PGAP2: variants seen among roughly 807,000 people sequenced by gnomAD.
The protein encoded by PGAP2 is post-GPI attachment to proteins 2, also known as acyltransferase PGAP2.
PGAP2 carries 21 observed loss-of-function variants against 33.2 expected under a neutral mutation model. The observed-to-expected ratio is 0.63, with a 90% CI of 0.45 to 0.91. PGAP2 has a LOEUF of 0.91. PGAP2 is among the 40% of genes least tolerant of loss of function. The probability of loss-of-function intolerance (pLI) is 0.00; values close to 1 mark genes in which losing one functional copy is unlikely to be tolerated. For missense variants in PGAP2, 345 were observed against 424.0 expected (o/e 0.81, Z 1.64); for synonymous variants, 161 against 172.9 (o/e 0.93, Z 0.54).
In PGAP2 at chr11:3,825,360, G is replaced by A. The variant is rs761678849; in HGVS notation, c.850G>A (p.Val284Ile). ...YTIFAILEYT[V>I]VLTNMAFHMT... is the part of the protein sequence containing the mutation. ...CATCTTTGCCATCCTGGAGTACACT[G>A]TTGTCTTAACCAACATGGCGTTCCA... The change falls in exon 7 of 7, where the codon GTT becomes ATT. Residue 284 changes from valine to isoleucine, a missense_variant. Val to Ile is a conservative substitution (Grantham distance 29, BLOSUM62 3). Coordinates refer to ENST00000278243, the MANE Select transcript of PGAP2 (RefSeq NM_014489.4). The A allele has an allele frequency of 1.9e-6, 3 of 1,613,962 alleles. No homozygotes were observed. The highest frequency in any genetic ancestry group is 1.7e-6 in the Non-Finnish European group (2 of 1,179,956).
chr11:3,818,326 CAAA>C (rs5789309), intron 3 of PGAP2, among the ~76,000 whole-genome samples: 9 of 97,628 alleles, frequency 9.2e-5, no homozygotes, highest in East Asian at 8.8e-4. Flanking sequence ...AAGATCGTGC[CAAA>C]AAAAAAAAAA....
intron 3 of PGAP2, chr11:3,822,948 T>C (rs1439434060): frequency 6.5e-7 from 1 of 1,543,422 alleles, no homozygotes; most frequent in Admixed American, 2.0e-5. Context: ...TTAAGATGGA[T>C]GGTGGAGATG....
chr11:3,811,471 C>G lies in PGAP2; in HGVS notation c.165+47C>G, dbSNP rs377687400. The stretch of plus-strand genomic sequence containing the variant: ...ACCTCATATTCAGGCCGATCTGGAT[C>G]TTCTTTAGATCTTGAATATCTTTTA... On this transcript the variant is annotated intron_variant, in intron 2 of 6. Coordinates refer to ENST00000278243, the MANE Select transcript of PGAP2 (RefSeq NM_014489.4). This position sits in a 1 kb window ranked among gnomAD's most constrained non-coding sequence, Gnocchi z 4.6. 1.7e-4 allele frequency: 257 copies of G among 1,540,062 alleles called. No homozygotes were observed. Among genetic ancestry groups the G allele is most frequent in the Non-Finnish European group, 2.1e-4 (239 of 1,124,364 alleles).
At position 3,825,494 on chromosome 11, in the gene PGAP2, G is replaced by A. The variant is rs373030868; in HGVS notation, c.*36G>A. 1 of 1,601,178 alleles carries A rather than the reference G, an allele frequency of 6.2e-7. No homozygotes were observed. The highest frequency in any genetic ancestry group is 8.5e-7 in the Non-Finnish European group (1 of 1,174,446). ...CCTGCTTGGGAGGACGCAGCCCACTGCCCAGAAACAAGAAACACGATACCA... is the reference window on the plus strand; with the variant it reads ...CCTGCTTGGGAGGACGCAGCCCACTACCCAGAAACAAGAAACACGATACCA... On this transcript the variant is annotated 3_prime_UTR_variant, in exon 7 of 7. Transcript: ENST00000278243.
In PGAP2 at chr11:3,825,074, T is replaced by C; in HGVS notation, c.763T>C (p.Phe255Leu). The C allele has an allele frequency of 1.2e-6, 2 of 1,614,132 alleles. No homozygotes were observed. The highest frequency in any genetic ancestry group is 1.1e-5 in the South Asian group (1 of 91,084). The change falls in exon 6 of 7, where the codon TTC becomes CTC. Residue 255 changes from phenylalanine to leucine, a missense_variant. Phe to Leu is a conservative substitution (Grantham distance 22). Transcript: ENST00000278243. ...GCTCTTCATCATCAACTTCATCTCC[T>C]TCTTCTCGGCGCTGGCTGTCTACTT... ...QRLFIINFISFFSALAVYFRH... is the reference protein window; with the variant it reads ...QRLFIINFISLFSALAVYFRH...
chr11:3,801,967 T>G (rs578187141), intron 1 of PGAP2, among the ~76,000 whole-genome samples: 1 of 151,568 alleles, frequency 6.6e-6, no homozygotes, highest in Admixed American at 6.6e-5. Flanking sequence ...AATAAATAAA[T>G]AAATAAATAA....
intron 2 of PGAP2, among the ~76,000 whole-genome samples, chr11:3,816,993 T>C (rs2087185315): frequency 6.6e-6 from 1 of 152,150 alleles, no homozygotes; most frequent in Admixed American, 6.5e-5. Context: ...AATAATAACC[T>C]TTCTACCTCT....
At chr11:3,804,006 G>C (rs1293803144), upstream of PGAP2, among the ~76,000 whole-genome samples, 1 of 150,836 alleles carries the variant, frequency 6.6e-6, no homozygotes, top group Non-Finnish European at 1.5e-5. Flanking sequence ...GGCCAGACTC[G>C]ACTCAAACTC....
At chr11:3,806,325 G>T (rs1399599514), upstream of PGAP2, among the ~76,000 whole-genome samples, 1 of 152,082 alleles carries the variant, frequency 6.6e-6, no homozygotes, top group African/African-American at 2.4e-5. Flanking sequence ...GAGAGAGGTA[G>T]TTCTTTTTGT....
In PGAP2 at chr11:3,812,080, T is replaced by C. The variant is rs148966821; in HGVS notation, c.165+656T>C. Reference sequence around the variant, plus strand: ...GAGTCCCGTGGCCTCTAAGATTCCATAGATGTCTGTGTACCCTCTGGACAG... The same window carrying C: ...GAGTCCCGTGGCCTCTAAGATTCCACAGATGTCTGTGTACCCTCTGGACAG... On this transcript the variant is annotated intron_variant, in intron 2 of 6. Coordinates refer to ENST00000278243, the MANE Select transcript of PGAP2 (RefSeq NM_014489.4). 7.3e-4 allele frequency among the ~76,000 whole-genome samples: 111 copies of C among 152,020 alleles called. 2 individuals carry two copies. The East Asian group carries it at 0.017, about 23-fold the overall frequency.
chr11:3,816,578 G>C (rs1489953377), intron 2 of PGAP2, among the ~76,000 whole-genome samples: 1 of 152,150 alleles, frequency 6.6e-6, no homozygotes, highest in African/African-American at 2.4e-5. Flanking sequence ...ATGACCCTCA[G>C]ATTCCCCCAA....
At chr11:3,797,968 C>A in exon 1 of PGAP2, 2 of 1,547,192 alleles carry the variant, frequency 1.3e-6, no homozygotes, top group Non-Finnish European at 1.7e-6. Context: ...AGAGGGACGG[C>A]CCCAGAATGG....
intron 3 of PGAP2, among the ~76,000 whole-genome samples, chr11:3,819,551 A>C (rs1052603013): frequency 5.3e-5 from 8 of 152,124 alleles, no homozygotes; most frequent in South Asian, 2.1e-4. Flanking sequence ...ACCTGAGGCC[A>C]AAGGAATGAA....
chr11:3,825,699 G>A lies in PGAP2; in HGVS notation c.*241G>A, dbSNP rs1304855371. 2.7e-5 allele frequency: 9 copies of A among 330,170 alleles called. No individual in the cohort carries two copies. In the Admixed American group the frequency reaches 3.2e-4, roughly 12 times the overall value. The allele number at this position is 330,170 out of a possible 1,614,324, so 20.5% of individuals were successfully genotyped here. A position where few individuals can be genotyped will look rare whatever the true frequency, so the allele number is the denominator to read the frequency against. On this transcript the variant is annotated 3_prime_UTR_variant, in exon 7 of 7. Coordinates refer to ENST00000278243, the MANE Select transcript of PGAP2 (RefSeq NM_014489.4). ...TGAGAGGCCCCAAGAAGCTGAGCTG[G>A]CAGAGAGCTCCACCATTTGGTGCTA... is the stretch of plus-strand genomic sequence containing the variant.
intron 3 of PGAP2, chr11:3,817,816 G>A: frequency 1.7e-6 from 1 of 575,974 alleles, no homozygotes; most frequent in South Asian, 1.5e-5. Context: ...GGAGGGCGAA[G>A]CCAGTGGATC....
chr11:3,797,946 C>T, exon 1 of PGAP2: 4 of 1,548,234 alleles, frequency 2.6e-6, no homozygotes, highest in Middle Eastern at 1.7e-4. Context: ...GCTGAGGGAG[C>T]TCGGGCCAAT....
At chr11:3,823,834 T>G (rs1302793127) in intron 3 of PGAP2, 49 bp from the exon 4 acceptor site, 1 of 1,596,892 alleles carries the variant, frequency 6.3e-7, no homozygotes, top group Admixed American at 1.7e-5. Context: ...GTTCTCCACA[T>G]GGGCGGGGCT....
At chr11:3,818,167 A>G (rs1390785411) in intron 3 of PGAP2, among the ~76,000 whole-genome samples, 2 of 151,912 alleles carry the variant, frequency 1.3e-5, no homozygotes, top group East Asian at 3.9e-4. Context: ...GTTTGAGACC[A>G]GCCTGGCCAA....
At chr11:3,822,295 C>T (rs1423624591) in intron 3 of PGAP2, among the ~76,000 whole-genome samples, 3 of 151,734 alleles carry the variant, frequency 2.0e-5, no homozygotes, top group East Asian at 1.9e-4. Context: ...ACCCGGGAGG[C>T]GGAGCTTGCA....
Sources: gnomAD v4.1 joint callset for allele counts (sites outside exome capture counted in the v4.1 genomes callset) on GRCh38, gnomAD v4.1.1 for gene constraint, Gnocchi (gnomAD v3.1) non-coding constraint, MANE v1.5 for transcripts, NCBI Gene and HGNC (gene_info 2026-07-23, HGNC 2026-07-21) for gene names.